The following MIPOL1 variants were observed in gnomAD, a reference collection of about 807,000 sequenced individuals.
The protein encoded by MIPOL1 is mirror-image polydactyly 1, also known as mirror-image polydactyly gene 1 protein.
A neutral mutation model predicts 60.9 loss-of-function variants in MIPOL1; 57 were observed. The ratio of observed to expected loss-of-function variants is 0.94; its 90% CI spans 0.76 to 1.17. MIPOL1 has a LOEUF of 1.17. Among genes scored for constraint, MIPOL1 ranks in the 50% most tolerant of loss-of-function variants. The pLI is 0.00. For missense variants in MIPOL1, 551 were observed against 511.6 expected, an observed-to-expected ratio of 1.08 and a Z score of -0.74; for synonymous variants, 179 against 168.8, an observed-to-expected ratio of 1.06 and a Z score of -0.47.
At chr14:37,287,065 G>A (rs1041463259) in intron 7 of MIPOL1, among the ~76,000 whole-genome samples, 1 of 152,228 alleles carries the variant, frequency 6.6e-6, no homozygotes, top group South Asian at 2.1e-4. Flanking sequence ...CTTCCTTGCT[G>A]TATAGCGATG....
At chr14:37,545,215 G>A (rs1350304846) in intron 12 of MIPOL1, among the ~76,000 whole-genome samples, 2 of 152,168 alleles carry the variant, frequency 1.3e-5, no homozygotes, top group Non-Finnish European at 2.9e-5. Flanking sequence ...CTATTTAATG[G>A]TTATTTCAAG....
chr14:37,526,727 G>T (rs2095450099), intron 12 of MIPOL1, among the ~76,000 whole-genome samples: 1 of 151,906 alleles, frequency 6.6e-6, no homozygotes, highest in African/African-American at 2.4e-5. Flanking sequence ...CTGTAAATGA[G>T]CAGTCTTCCT....
intron 3 of MIPOL1, among the ~76,000 whole-genome samples, chr14:37,251,625 A>C (rs554276477): frequency 2.0e-5 from 3 of 152,090 alleles, no homozygotes; most frequent in Non-Finnish European, 4.4e-5. Flanking sequence ...GAGTTGTTAA[A>C]TTATTGTTGT....
chr14:37,467,463 A>G (rs1423854457), intron 11 of MIPOL1, among the ~76,000 whole-genome samples: 1 of 152,178 alleles, frequency 6.6e-6, no homozygotes, highest in East Asian at 1.9e-4. Flanking sequence ...TCTATTCTCT[A>G]TAAAGAAACC....
intron 7 of MIPOL1, among the ~76,000 whole-genome samples, chr14:37,290,373 G>C (rs560635914): frequency 6.6e-6 from 1 of 152,182 alleles, no homozygotes; most frequent in East Asian, 1.9e-4. Context: ...CTACAGGTGA[G>C]TGCCACCACA....
At chr14:37,237,875 G>C (rs1372052143) in intron 1 of MIPOL1, among the ~76,000 whole-genome samples, 3 of 152,048 alleles carry the variant, frequency 2.0e-5, no homozygotes, top group Non-Finnish European at 4.4e-5. Flanking sequence ...TGGACTGCTT[G>C]GTTAAGTCCT....
intron 11 of MIPOL1, among the ~76,000 whole-genome samples, chr14:37,466,343 G>A (rs970267242): frequency 4.6e-5 from 7 of 152,238 alleles, no homozygotes; most frequent in South Asian, 2.1e-4. Context: ...TTCTTTTTCT[G>A]AGGAAGATAA....
In MIPOL1 at chr14:37,499,887, T is replaced by A. The variant is rs113683493; in HGVS notation, c.1032-21T>A. Reference sequence around the variant, plus strand: ...TCAGTTTACATTACTTATCTTTAAATTTTTTTTAATATTTTCTCAGTTTAC... The same window carrying A: ...TCAGTTTACATTACTTATCTTTAAAATTTTTTTAATATTTTCTCAGTTTAC... On this transcript the variant is annotated intron_variant, in intron 11 of 12. Transcript: ENST00000684589. 7.2e-4 allele frequency: 971 copies of A among 1,354,208 alleles called. 6 individuals carry two copies. The African/African-American group carries it at 0.012, about 16-fold the overall frequency. 83.9% of individuals were successfully genotyped at this position (1,354,208 alleles called of 1,614,324 possible).
chr14:37,523,661 ATCT>A (rs1277360146), intron 12 of MIPOL1: 27 of 353,880 alleles, frequency 7.6e-5, no homozygotes, highest in Non-Finnish European at 1.1e-4. Flanking sequence ...TTTTAAAAAC[ATCT>A]TCTGTGTGTT....
At chr14:37,449,054 C>A (rs2094380502) in intron 11 of MIPOL1, among the ~76,000 whole-genome samples, 1 of 152,112 alleles carries the variant, frequency 6.6e-6, no homozygotes, top group Admixed American at 6.5e-5. Context: ...TTTATGCCAA[C>A]AAAGAAGGGA....
At chr14:37,345,719 A>G (rs1324547105) in intron 9 of MIPOL1, among the ~76,000 whole-genome samples, 1 of 152,154 alleles carries the variant, frequency 6.6e-6, no homozygotes, top group African/African-American at 2.4e-5. Context: ...CCTCATTGCT[A>G]CTGAATTTCC....
chr14:37,354,080 G>T (rs1280651264), intron 9 of MIPOL1, among the ~76,000 whole-genome samples: 1 of 150,718 alleles, frequency 6.6e-6, no homozygotes, highest in Non-Finnish European at 1.5e-5. Context: ...TGCTTTGAAT[G>T]TGTCCCAGAG....
chr14:37,528,004 C>T (rs932231770), intron 12 of MIPOL1, among the ~76,000 whole-genome samples: 5 of 151,742 alleles, frequency 3.3e-5, no homozygotes, highest in Non-Finnish European at 7.4e-5. Flanking sequence ...CTTTTAAATA[C>T]CCTCATGTTC....
At chr14:37,238,785 A>AC (rs781007794) in intron 1 of MIPOL1, among the ~76,000 whole-genome samples, 4,776 of 142,124 alleles carry the variant, frequency 0.034, 200 homozygotes, top group East Asian at 0.23. Flanking sequence ...CCCCACTTCT[A>AC]CAAAAAAAAA....
At chr14:37,460,773 A>G (rs1041359663) in intron 11 of MIPOL1, among the ~76,000 whole-genome samples, 3 of 152,174 alleles carry the variant, frequency 2.0e-5, no homozygotes, top group African/African-American at 7.2e-5. Flanking sequence ...CACACAAGAA[A>G]TAAAATCCTA....
In MIPOL1 at chr14:37,247,809, T is replaced by G; in HGVS notation, c.-60-20T>G. 7.1e-7 allele frequency: 1 copy of G among 1,412,666 alleles called. No individual in the cohort carries two copies. Among genetic ancestry groups the G allele is most frequent in the Middle Eastern group, 1.8e-4 (1 of 5,602 alleles). The allele number at this position is 1,412,666 out of a possible 1,614,324, so 87.5% of individuals were successfully genotyped here. On this transcript the variant is annotated intron_variant, in intron 2 of 12. Coordinates refer to ENST00000684589, the MANE Select transcript of MIPOL1 (RefSeq NM_001388067.1). Reference sequence around the variant, plus strand: ...ATATATTGTTTTCAGTTTATTTATCTAGAGTTGGCTTTATTTTAGCTGCAA... The same window carrying G: ...ATATATTGTTTTCAGTTTATTTATCGAGAGTTGGCTTTATTTTAGCTGCAA...
intron 11 of MIPOL1, among the ~76,000 whole-genome samples, chr14:37,485,213 T>A (rs2094929190): frequency 6.6e-6 from 1 of 152,220 alleles, no homozygotes; most frequent in African/African-American, 2.4e-5. Flanking sequence ...GTGCCACATT[T>A]TCTTTATCCA....
intron 9 of MIPOL1, among the ~76,000 whole-genome samples, chr14:37,362,997 T>C (rs2092331746): frequency 6.6e-6 from 1 of 152,194 alleles, no homozygotes; most frequent in Non-Finnish European, 1.5e-5. Flanking sequence ...TTTATTCTAG[T>C]TAGTTGTTCG....
chr14:37,296,915 A>T (rs2085775952), intron 7 of MIPOL1, among the ~76,000 whole-genome samples: 1 of 152,206 alleles, frequency 6.6e-6, no homozygotes, highest in Admixed American at 6.5e-5. Flanking sequence ...AAACTATTCC[A>T]ATCAATAGAA....
Sources: gnomAD v4.1 joint callset for allele counts (sites outside exome capture counted in the v4.1 genomes callset) on GRCh38, gnomAD v4.1.1 for gene constraint, MANE v1.5 for transcripts, NCBI Gene and HGNC (gene_info 2026-07-23, HGNC 2026-07-21) for gene names.